Variants in DYM observed in about 807,000 individuals in gnomAD.
DYM encodes the protein dymeclin, also known as dyggve-Melchior-Clausen syndrome protein.
A neutral mutation model predicts 93.1 loss-of-function variants in DYM; 78 were observed. The observed-to-expected ratio is 0.84, with a 90% CI of 0.70 to 1.01. DYM has a LOEUF of 1.01. Ranked by LOEUF, DYM falls within the 50% of genes least tolerant of loss-of-function variation. DYM has a pLI of 0.00. For missense variants in DYM, 789 were observed against 845.0 expected, an observed-to-expected ratio of 0.93 and a Z score of 0.82; for synonymous variants, 321 against 319.7, an observed-to-expected ratio of 1.00 and a Z score of -0.04.
chr18:49,078,008 CTT>C (rs138154962), intron 17 of DYM, among the ~76,000 whole-genome samples: 6,604 of 152,170 alleles, frequency 0.043, 469 homozygotes, highest in African/African-American at 0.15. Context: ...CAAATCCTCT[CTT>C]GTTTTGTTCC....
At chr18:49,051,270 G>A (rs569842732) in intron 17 of DYM, among the ~76,000 whole-genome samples, 1 of 152,320 alleles carries the variant, frequency 6.6e-6, no homozygotes, top group East Asian at 1.9e-4. Context: ...TCCTCACTGT[G>A]AGTGATGGGG....
At position 49,038,278 on chromosome 18, in the gene DYM, A is replaced by G. The variant is rs370809162; in HGVS notation, c.*5777T>C. On this transcript the variant is annotated 3_prime_UTR_variant, in exon 18 of 18. Coordinates refer to ENST00000675505, the MANE Select transcript of DYM (RefSeq NM_001353214.3). ...TTGATTTTTGTATGCTAGTTTTTCT[A>G]CCAATTAACAAAATAGGCATGTTAA... is the stretch of plus-strand genomic sequence containing the variant. Among the ~76,000 whole-genome samples the G allele has an allele frequency of 1.2e-4, 18 of 152,332 alleles. 1 individual carries two copies. Among genetic ancestry groups the G allele is most frequent in the African/African-American group, 4.1e-4 (17 of 41,570 alleles).
chr18:49,249,508 T>A (rs1037534033), intron 13 of DYM, among the ~76,000 whole-genome samples: 4 of 152,100 alleles, frequency 2.6e-5, no homozygotes, highest in African/African-American at 9.7e-5. Context: ...AGGAAGCCTG[T>A]TGGGGTAAGT....
intron 15 of DYM, among the ~76,000 whole-genome samples, chr18:49,149,708 T>TTG (rs2085596830): frequency 7.1e-6 from 1 of 140,234 alleles, no homozygotes; most frequent in Admixed American, 7.1e-5. Context: ...AAGTGTTTTT[T>TTG]TTTTTTTTTT....
chr18:49,288,968 T>A (rs1043718474), intron 8 of DYM, among the ~76,000 whole-genome samples: 2 of 152,008 alleles, frequency 1.3e-5, no homozygotes, highest in African/African-American at 4.8e-5. Flanking sequence ...CCTAGGGAAG[T>A]ATACAACCAT....
At chr18:49,231,516 C>A (rs74380723) in intron 13 of DYM, among the ~76,000 whole-genome samples, 1 of 152,224 alleles carries the variant, frequency 6.6e-6, no homozygotes, top group South Asian at 2.1e-4. Context: ...GCAGCCACTG[C>A]TGAACAGCTT....
intron 15 of DYM, among the ~76,000 whole-genome samples, chr18:49,150,013 AGTGTTTT>A (rs2085642961): frequency 6.6e-6 from 1 of 152,112 alleles, no homozygotes; most frequent in Non-Finnish European, 1.5e-5. Flanking sequence ...AGCCTCACAA[AGTGTTTT>A]TATACTTGCA....
At chr18:49,094,965 G>A (rs368556656) in intron 17 of DYM, among the ~76,000 whole-genome samples, 2 of 152,240 alleles carry the variant, frequency 1.3e-5, no homozygotes, top group East Asian at 3.9e-4. Flanking sequence ...TATATTTTAA[G>A]AAACAACAAA....
intron 2 of DYM, among the ~76,000 whole-genome samples, chr18:49,400,819 T>C (rs1392932815): frequency 1.3e-5 from 2 of 152,014 alleles, no homozygotes; most frequent in African/African-American, 4.8e-5. Context: ...AGAGCTATAA[T>C]GAGGTAGTAA....
chr18:49,448,643 A>G (rs1219477425), intron 1 of DYM, among the ~76,000 whole-genome samples: 1 of 152,134 alleles, frequency 6.6e-6, no homozygotes, highest in Non-Finnish European at 1.5e-5. Context: ...ACACAGGGGG[A>G]AAAAAGCAGG....
intron 17 of DYM, among the ~76,000 whole-genome samples, chr18:49,096,133 A>G (rs141643639): frequency 1.7e-3 from 266 of 152,326 alleles, no homozygotes; most frequent in African/African-American, 5.8e-3. Context: ...TATATTTAAA[A>G]AAATTATCTG....
At chr18:49,056,682 C>T (rs929293339) in intron 17 of DYM, among the ~76,000 whole-genome samples, 7 of 151,280 alleles carry the variant, frequency 4.6e-5, no homozygotes, top group East Asian at 2.0e-4. Context: ...GGACTACAGG[C>T]GCATGCCACC....
At chr18:49,164,547 C>G (rs908884038) in intron 14 of DYM, among the ~76,000 whole-genome samples, 1 of 152,314 alleles carries the variant, frequency 6.6e-6, no homozygotes, top group East Asian at 1.9e-4. Context: ...GAATTTAACA[C>G]TGCTGTGGCA....
intron 13 of DYM, among the ~76,000 whole-genome samples, chr18:49,224,195 G>T (rs975879765): frequency 2.0e-5 from 3 of 152,064 alleles, no homozygotes; most frequent in Non-Finnish European, 4.4e-5. Context: ...CATAAATGGT[G>T]GTGTCATTCA....
intron 8 of DYM, among the ~76,000 whole-genome samples, chr18:49,299,758 T>A (rs1219908917): frequency 3.3e-5 from 5 of 152,104 alleles, no homozygotes; most frequent in Non-Finnish European, 5.9e-5. Flanking sequence ...AAAATATTCA[T>A]ATGGTCCGGA....
chr18:49,350,682 G>A (rs2065030302), intron 6 of DYM, among the ~76,000 whole-genome samples: 1 of 150,076 alleles, frequency 6.7e-6, no homozygotes. Context: ...CTCCACCCTG[G>A]GTGACAGGGT....
At chr18:49,197,892 TA>T (rs2091624812) in intron 14 of DYM, among the ~76,000 whole-genome samples, 1 of 152,150 alleles carries the variant, frequency 6.6e-6, no homozygotes, top group East Asian at 1.9e-4. Context: ...TTAAAGTTCA[TA>T]TGGAACCAAA....
At chr18:49,084,841 A>G (rs1188857889) in intron 17 of DYM, among the ~76,000 whole-genome samples, 2 of 152,218 alleles carry the variant, frequency 1.3e-5, no homozygotes, top group Non-Finnish European at 2.9e-5. Context: ...CAGAATTGGA[A>G]ACCACATTGT....
At chr18:49,155,219 TC>T (rs1419065239) in intron 15 of DYM, among the ~76,000 whole-genome samples, 6 of 152,332 alleles carry the variant, frequency 3.9e-5, no homozygotes, top group South Asian at 2.1e-4. Context: ...ATATTTTGCC[TC>T]CTTAAAATAT....
Sources: allele counts gnomAD v4.1 joint callset (sites outside exome capture counted in the v4.1 genomes callset), GRCh38; gene constraint gnomAD v4.1.1; transcripts MANE v1.5; gene names NCBI Gene and HGNC (gene_info 2026-07-23, HGNC 2026-07-21).